The following HDAC9 variants were observed in gnomAD, a reference collection of about 807,000 sequenced individuals.
HDAC9 encodes MEF-2 interacting transcription repressor (MITR) protein.
A neutral mutation model predicts 139.4 loss-of-function variants in HDAC9; 41 were observed. The observed-to-expected ratio is 0.29, with a 90% CI of 0.23 to 0.38. HDAC9 has a LOEUF of 0.38. HDAC9 is among the 10% of genes least tolerant of loss of function. HDAC9 has a pLI of 1.00. For synonymous variants in HDAC9, 517 were observed against 476.2 expected (o/e 1.09, Z -1.12); for missense variants, 1,147 against 1,297.0 (o/e 0.88, Z 1.78).
chr7:18,941,630 A>C (rs1415111925), intron 23 of HDAC9, among the ~76,000 whole-genome samples: 1 of 152,138 alleles, frequency 6.6e-6, no homozygotes, highest in African/African-American at 2.4e-5. Flanking sequence ...GTTGCCATTC[A>C]TGAGTAAAGG....
chr7:18,966,831 C>G (rs528751577), intron 24 of HDAC9, among the ~76,000 whole-genome samples: 1 of 152,050 alleles, frequency 6.6e-6, no homozygotes, highest in Non-Finnish European at 1.5e-5. Flanking sequence ...ACTCTCAATA[C>G]TTTTGCTACA....
At chr7:18,372,557 A>G (rs1457662070) in intron 1 of HDAC9, among the ~76,000 whole-genome samples, 1 of 152,196 alleles carries the variant, frequency 6.6e-6, no homozygotes, top group East Asian at 1.9e-4. Context: ...TCCCACTCCT[A>G]GTGTCATTCT....
rs543678800 is a variant in HDAC9 at position 18,259,244 on chromosome 7, C to T, written c.25+96895C>T. 2.6e-5 allele frequency among the ~76,000 whole-genome samples: 4 copies of T among 152,258 alleles called. No individual in the cohort carries two copies. In the East Asian group the frequency reaches 5.8e-4, roughly 22 times the overall value. On this transcript the variant is annotated intron_variant, in intron 2 of 12. Transcript: ENST00000417496. ...TTGGCCTCCCAAAGTGCTGGGATTA[C>T]AGGTGTGAGTCACAGTGCCCAGCCA...
chr7:18,732,064 T>C (rs560469813), intron 13 of HDAC9, among the ~76,000 whole-genome samples: 1 of 152,296 alleles, frequency 6.6e-6, no homozygotes, highest in South Asian at 2.1e-4. Flanking sequence ...TTCTGTATGT[T>C]GGTCAGGTTG....
intron 1 of HDAC9, among the ~76,000 whole-genome samples, chr7:18,333,096 G>C (rs1401021982): frequency 6.6e-6 from 1 of 151,456 alleles, no homozygotes; most frequent in African/African-American, 2.4e-5. Context: ...ATGTAATAAA[G>C]CAGAAATTAG....
chr7:18,117,482 T>G (rs575432889), intron 1 of HDAC9, among the ~76,000 whole-genome samples: 1 of 146,252 alleles, frequency 6.8e-6, no homozygotes, highest in East Asian at 2.0e-4. Context: ...CGAGACTCTG[T>G]CTCAAAAAAT....
chr7:18,832,213 A>T (rs1024278771), intron 19 of HDAC9, among the ~76,000 whole-genome samples: 11 of 152,234 alleles, frequency 7.2e-5, no homozygotes, highest in Non-Finnish European at 1.0e-4. Context: ...GCTTTTAGGT[A>T]ATGTGACTTT....
chr7:18,346,846 C>T (rs1391113134), intron 1 of HDAC9, among the ~76,000 whole-genome samples: 4 of 152,126 alleles, frequency 2.6e-5, no homozygotes, highest in Non-Finnish European at 5.9e-5. Context: ...GAGCCAGAAG[C>T]TGAGAGTGCA....
chr7:18,912,592 A>G (rs969313898), intron 22 of HDAC9, among the ~76,000 whole-genome samples: 14 of 152,226 alleles, frequency 9.2e-5, no homozygotes, highest in Admixed American at 2.0e-4. Flanking sequence ...TGAAGGTCCC[A>G]CTAGCATCCA....
Position 18,996,623 on chromosome 7 carries a change from C to G in HDAC9, c.*561C>G, listed in dbSNP as rs1786480355. 6.6e-6 allele frequency: 1 copy of G among 152,642 alleles called. No homozygotes were observed. The highest frequency in any genetic ancestry group is 6.5e-5 in the Admixed American group (1 of 15,348). 9.5% of individuals were successfully genotyped at this position (152,642 alleles called of 1,614,324 possible). On this transcript the variant is annotated 3_prime_UTR_variant, in exon 26 of 26. Coordinates refer to ENST00000686413, the MANE Select transcript of HDAC9 (RefSeq NM_178425.4). Reference sequence around the variant, plus strand: ...GGGTTTTTTTCTCAACTTTAACACACAGTTCAACTGTTCCTAGTAAAAGTT... The same window carrying G: ...GGGTTTTTTTCTCAACTTTAACACAGAGTTCAACTGTTCCTAGTAAAAGTT...
intron 2 of HDAC9, among the ~76,000 whole-genome samples, chr7:18,224,634 G>A (rs569456082): frequency 2.6e-5 from 4 of 152,194 alleles, no homozygotes; most frequent in Admixed American, 1.3e-4. Context: ...CATTCACATG[G>A]AGGCTCTTTC....
chr7:18,372,371 A>C (rs1408173945), intron 1 of HDAC9, among the ~76,000 whole-genome samples: 1 of 152,218 alleles, frequency 6.6e-6, no homozygotes, highest in African/African-American at 2.4e-5. Flanking sequence ...GAGCTTCTCA[A>C]ACCTCCAAAC....
intron 1 of HDAC9, among the ~76,000 whole-genome samples, chr7:18,105,058 A>G (rs1783110848): frequency 1.3e-5 from 2 of 150,908 alleles, no homozygotes; most frequent in African/African-American, 2.4e-5. Context: ...TTTTCTATCT[A>G]GCCTCAAAAC....
At chr7:18,757,841 G>T (rs1789019956) in intron 14 of HDAC9, among the ~76,000 whole-genome samples, 1 of 152,022 alleles carries the variant, frequency 6.6e-6, no homozygotes, top group African/African-American at 2.4e-5. Flanking sequence ...ATGCATTAAC[G>T]GGCTCTCTTT....
chr7:18,139,781 C>T (rs1271418733), intron 1 of HDAC9, among the ~76,000 whole-genome samples: 1 of 152,078 alleles, frequency 6.6e-6, no homozygotes, highest in Non-Finnish European at 1.5e-5. Context: ...AAGAGGGAGA[C>T]AGAGGGGTAT....
intron 2 of HDAC9, among the ~76,000 whole-genome samples, chr7:18,206,930 C>CTTTTTT (rs58248823): frequency 7.2e-5 from 9 of 124,546 alleles, no homozygotes; most frequent in South Asian, 2.6e-4. Flanking sequence ...GATATCTTTT[C>CTTTTTT]TTTTTTTTTT....
intron 1 of HDAC9, among the ~76,000 whole-genome samples, chr7:18,392,568 C>A (rs531391010): frequency 1.3e-5 from 2 of 152,206 alleles, no homozygotes; most frequent in South Asian, 4.1e-4. Flanking sequence ...TGTTCTCACT[C>A]TGGCACCTTT....
At chr7:18,555,605 A>G (rs911339033) in intron 2 of HDAC9, among the ~76,000 whole-genome samples, 1 of 152,182 alleles carries the variant, frequency 6.6e-6, no homozygotes, top group Non-Finnish European at 1.5e-5. Context: ...ATGTGTGTAT[A>G]TGAAAAAGAT....
intron 25 of HDAC9, among the ~76,000 whole-genome samples, chr7:18,980,738 T>TCCTTCTTCTTCTTC (rs138113545): frequency 9.2e-6 from 1 of 108,146 alleles, no homozygotes; most frequent in Admixed American, 9.2e-5. Flanking sequence ...TTCTTCTTCT[T>TCCTTCTTCTTCTTC]CTTCTTCCTT....
Sources: allele counts gnomAD v4.1 joint callset (sites outside exome capture counted in the v4.1 genomes callset), GRCh38; gene constraint gnomAD v4.1.1; transcripts MANE v1.5; gene names NCBI Gene and HGNC (gene_info 2026-07-23, HGNC 2026-07-21).